The following TBC1D22A variants were observed in gnomAD, a reference collection of about 807,000 sequenced individuals.
TBC1D22A encodes the protein TBC1 domain family member 22A, also known as putative GTPase activator.
A neutral mutation model predicts 60.2 loss-of-function variants in TBC1D22A; 38 were observed. The observed-to-expected ratio is 0.63, with a 90% CI of 0.49 to 0.83. TBC1D22A has a LOEUF of 0.83. Ranked by LOEUF, TBC1D22A falls within the 40% of genes least tolerant of loss-of-function variation. TBC1D22A has a pLI of 0.00. For missense variants in TBC1D22A, 628 were observed against 701.0 expected (o/e 0.90, Z 1.18); for synonymous variants, 302 against 281.7 (o/e 1.07, Z -0.72).
chr22:46,837,104 G>C (rs1020586930), intron 4 of TBC1D22A, among the ~76,000 whole-genome samples: 3 of 152,052 alleles, frequency 2.0e-5, no homozygotes. Flanking sequence ...CACCCTGGGG[G>C]ACAGAGCAAG....
intron 8 of TBC1D22A, among the ~76,000 whole-genome samples, chr22:46,959,916 CT>C (rs902579066): frequency 6.6e-6 from 1 of 152,220 alleles, no homozygotes; most frequent in African/African-American, 2.4e-5. Flanking sequence ...CTTTTTAGCA[CT>C]GCCTTCAGAC....
intron 4 of TBC1D22A, among the ~76,000 whole-genome samples, chr22:46,802,143 G>A (rs1344700722): frequency 6.6e-6 from 1 of 152,232 alleles, no homozygotes; most frequent in Admixed American, 6.5e-5. Flanking sequence ...GTGAAGGTCA[G>A]TGGGAATTTA....
intron 7 of TBC1D22A, among the ~76,000 whole-genome samples, chr22:46,900,737 C>T (rs541428516): frequency 1.6e-4 from 25 of 152,136 alleles, no homozygotes; most frequent in Non-Finnish European, 3.2e-4. Flanking sequence ...TTGCCTTTTC[C>T]TGCTGAGTAG....
rs57116517 is a variant in TBC1D22A, at chr22:46,904,142, T to TCTATCTATCTATCTGCCTACCTACCTAC, written c.901-7929_901-7928insTCTATCTATCTGCCTACCTACCTACCTA. Among the ~76,000 whole-genome samples, 136 of 134,572 alleles carry TCTATCTATCTATCTGCCTACCTACCTAC rather than the reference T, an allele frequency of 1.0e-3. 1 individual carries two copies. The highest frequency in any genetic ancestry group is 2.0e-3 in the African/African-American group (69 of 33,880). 88.3% of individuals were successfully genotyped at this position (134,572 alleles called of 152,430 possible). ...ATCTATCTATCTATCTATCTATCTA[T>TCTATCTATCTATCTGCCTACCTACCTAC]CTACCTACCTACCTACCTACCTACC... On this transcript the variant is annotated intron_variant, in intron 7 of 12. Transcript: ENST00000337137.
intron 12 of TBC1D22A, among the ~76,000 whole-genome samples, chr22:47,163,041 C>T (rs4823605): frequency 0.42 from 63,723 of 152,198 alleles, 14,206 homozygotes; most frequent in East Asian, 0.69. Flanking sequence ...CCAAAGGAGA[C>T]GGGGCAAGTG....
chr22:47,103,305 G>A (rs530267569), intron 11 of TBC1D22A, among the ~76,000 whole-genome samples: 2 of 152,318 alleles, frequency 1.3e-5, no homozygotes, highest in Admixed American at 6.5e-5. Flanking sequence ...GTGCCGCGGA[G>A]ACATGGCCAG....
In TBC1D22A at chr22:46,887,712, A is replaced by T. The variant is rs78460819; in HGVS notation, c.709-3554A>T. Among the ~76,000 whole-genome samples the T allele has an allele frequency of 6.2e-3, 948 of 152,322 alleles. 6 individuals carry two copies. The highest frequency in any genetic ancestry group is 0.011 in the Non-Finnish European group (725 of 68,028). On this transcript the variant is annotated intron_variant, in intron 5 of 12. Coordinates refer to ENST00000337137, the MANE Select transcript of TBC1D22A (RefSeq NM_014346.5). ...GGCGGTGACCGAGAGGCCTGCTAAG[A>T]CGGTGATGGTCTGGCTTTGACCTGG... is the stretch of plus-strand genomic sequence containing the variant.
At chr22:47,128,643 G>A (rs906390955) in intron 12 of TBC1D22A, among the ~76,000 whole-genome samples, 5 of 152,086 alleles carry the variant, frequency 3.3e-5, no homozygotes, top group African/African-American at 1.2e-4. Context: ...CTATCCGTGT[G>A]TTTATTAAAT....
intron 7 of TBC1D22A, among the ~76,000 whole-genome samples, chr22:46,911,640 G>A (rs938264458): frequency 5.9e-5 from 9 of 152,154 alleles, no homozygotes; most frequent in African/African-American, 7.2e-5. Context: ...CTTAAGGGCC[G>A]TGCGTGGTGG....
At chr22:46,864,150 C>G (rs1210603219) in intron 4 of TBC1D22A, among the ~76,000 whole-genome samples, 5 of 152,098 alleles carry the variant, frequency 3.3e-5, no homozygotes, top group African/African-American at 9.7e-5. Context: ...ATACACACAC[C>G]CCAACTTTCA....
chr22:46,769,683 G>T (rs2083421886), intron 1 of TBC1D22A, among the ~76,000 whole-genome samples: 1 of 152,176 alleles, frequency 6.6e-6, no homozygotes, highest in South Asian at 2.1e-4. Context: ...TGCTTCCAAG[G>T]CCATGGTGAA....
At chr22:47,171,113 C>T in intron 12 of TBC1D22A, among the ~76,000 whole-genome samples, 1 of 152,184 alleles carries the variant, frequency 6.6e-6, no homozygotes, top group Non-Finnish European at 1.5e-5. Flanking sequence ...GCCTGCCATC[C>T]TTATCTCCAG....
intron 10 of TBC1D22A, among the ~76,000 whole-genome samples, chr22:47,035,532 A>G (rs968452583): frequency 6.6e-6 from 1 of 152,180 alleles, no homozygotes; most frequent in East Asian, 1.9e-4. Context: ...TCTACCCCAC[A>G]GTGTGAAGCA....
At chr22:47,126,174 G>A (rs1262516018) in intron 12 of TBC1D22A, among the ~76,000 whole-genome samples, 4 of 152,172 alleles carry the variant, frequency 2.6e-5, no homozygotes, top group African/African-American at 9.7e-5. Context: ...TAGAGACGGG[G>A]TTTCACCATG....
At chr22:46,966,579 A>T (rs1417831700) in intron 8 of TBC1D22A, among the ~76,000 whole-genome samples, 1 of 152,136 alleles carries the variant, frequency 6.6e-6, no homozygotes, top group Non-Finnish European at 1.5e-5. Flanking sequence ...TTAAAGATCC[A>T]CTCAAGCCAC....
At chr22:46,881,391 C>T (rs879799030) in intron 5 of TBC1D22A, among the ~76,000 whole-genome samples, 2 of 152,188 alleles carry the variant, frequency 1.3e-5, no homozygotes, top group Non-Finnish European at 2.9e-5. Context: ...CTGCCTTTTT[C>T]TCTTGCCCCC....
intron 5 of TBC1D22A, among the ~76,000 whole-genome samples, chr22:46,882,130 T>C (rs1376018124): frequency 6.6e-6 from 1 of 152,102 alleles, no homozygotes; most frequent in African/African-American, 2.4e-5. Flanking sequence ...CATTCAACTC[T>C]CCTGGGAGCT....
chr22:47,017,654 A>G lies in TBC1D22A; in HGVS notation c.1202-19417A>G, dbSNP rs74408826. ...CCATCAGAAAACGGAGGAAATTGTG[A>G]TTTGCTCCCAGTCTAAGGCGTTACG... On this transcript the variant is annotated intron_variant, in intron 10 of 12. Transcript: ENST00000337137. Among the ~76,000 whole-genome samples, 794 of 152,196 alleles carry G rather than the reference A, an allele frequency of 5.2e-3. 11 individuals are homozygous for G. The highest frequency in any genetic ancestry group is 0.018 in the African/African-American group (754 of 41,530).
intron 11 of TBC1D22A, among the ~76,000 whole-genome samples, chr22:47,058,736 G>A (rs981844706): frequency 1.3e-5 from 2 of 152,144 alleles, no homozygotes; most frequent in African/African-American, 4.8e-5. Flanking sequence ...CTGAGGCCCA[G>A]GCCTTGGTGG....
Sources: allele counts gnomAD v4.1 joint callset (sites outside exome capture counted in the v4.1 genomes callset), GRCh38; gene constraint gnomAD v4.1.1; transcripts MANE v1.5; gene names NCBI Gene and HGNC (gene_info 2026-07-23, HGNC 2026-07-21).